Variants in NXT2 observed in about 807,000 individuals in gnomAD.
The protein encoded by NXT2 is NTF2-related export protein 2.
A neutral mutation model predicts 9.6 loss-of-function variants in NXT2; 1 was observed. The observed-to-expected ratio is 0.10, with a 90% CI of 0.04 to 0.49. The LOEUF (loss-of-function observed/expected upper bound fraction) is 0.49. Among genes scored for constraint, NXT2 ranks in the 20% least tolerant of loss-of-function variants. The pLI is 0.95. For synonymous variants in NXT2, 22 were observed against 35.4 expected, an observed-to-expected ratio of 0.62 and a Z score of 1.34; for missense variants, 48 against 100.3, an observed-to-expected ratio of 0.48 and a Z score of 2.23.
Position 109,538,129 on chromosome X carries a change from C to T in NXT2, c.100C>T (p.Arg34Trp), listed in dbSNP as rs1444220387. The change falls in exon 2 of 4, where the codon CGG (arginine) becomes TGG (tryptophan). Residue 34 changes from arginine (R) to tryptophan (W), a missense_variant and splice_region_variant. Arg to Trp is a moderately radical substitution (Grantham distance 101). Coordinates refer to ENST00000372106, the MANE Select transcript of NXT2 (RefSeq NM_001242617.2). ...CTATGAGACAATGGATAAAAGAAGA[C>T]GGGTGAGTGTTATAGACTCTACTAC... ...IYYETMDKRR[R>W]ALTRLYLDKA... 1 of 1,123,292 alleles carries T rather than the reference C, an allele frequency of 8.9e-7. No homozygotes were observed. Among genetic ancestry groups the T allele is most frequent in the Non-Finnish European group, 1.2e-6 (1 of 815,694 alleles). The allele number at this position is 1,123,292 out of a possible 1,213,427, so 92.6% of individuals were successfully genotyped here.
Position 109,541,637 on chromosome X carries a change from C to G in NXT2, c.247+18C>G. The G allele has an allele frequency of 8.6e-7, 1 of 1,162,153 alleles. No homozygotes were observed. The highest frequency in any genetic ancestry group is 1.2e-6 in the Non-Finnish European group (1 of 861,364). ...AGTTCATGGTAAGATCATGATCTTT[C>G]AAGATGCTTCCTTTGTTTTCCTCTA... On this transcript the variant is annotated intron_variant, in intron 3 of 3. Coordinates refer to ENST00000372106, the MANE Select transcript of NXT2 (RefSeq NM_001242617.2).
At chrX:109,536,347 C>A (rs1442291018), upstream of NXT2, among the ~76,000 whole-genome samples, 2 of 112,379 alleles carry the variant, frequency 1.8e-5, no homozygotes, top group African/African-American at 6.5e-5. Context: ...TGTTGGTGTC[C>A]GTGAGACATT....
chrX:109,536,236 C>A (rs1933270694), upstream of NXT2, among the ~76,000 whole-genome samples: 2 of 112,147 alleles, frequency 1.8e-5, no homozygotes, highest in Admixed American at 1.9e-4. Flanking sequence ...TAGAAAAGCA[C>A]CTTACATATA....
In NXT2 at chrX:109,538,764, C is replaced by T. The variant is rs1008865851; in HGVS notation, c.102+633C>T. 1.7e-4 allele frequency among the ~76,000 whole-genome samples: 19 copies of T among 111,373 alleles called. 3 individuals carry two copies. The South Asian group carries it at 1.9e-3, about 11-fold the overall frequency. ...AAGTGAGTCTTGCCTAGGTCTCTTA[C>T]CAGCATAGAACTGTGCTTTGGAGAA... is the stretch of plus-strand genomic sequence containing the variant. On this transcript the variant is annotated intron_variant, in intron 2 of 3. Transcript: ENST00000372106.
At position 109,540,336 on chromosome X, in the gene NXT2, A is replaced by T. The variant is rs199819074; in HGVS notation, c.103-1139A>T. 2.7e-4 allele frequency among the ~76,000 whole-genome samples: 29 copies of T among 107,425 alleles called. No homozygotes were observed. In the East Asian group the frequency reaches 7.5e-3, roughly 28 times the overall value. The allele number at this position is 107,425 out of a possible 115,157, so 93.3% of individuals were successfully genotyped here. ...CCTTTTTTTTTATTTTTATTTATTT[A>T]TTTTTTTTTGAGATGGTGTCTCACT... On this transcript the variant is annotated intron_variant, in intron 2 of 3. Coordinates refer to ENST00000372106, the MANE Select transcript of NXT2 (RefSeq NM_001242617.2).
chrX:109,542,761 A>G lies in NXT2; in HGVS notation c.*73A>G. 1 of 841,745 alleles carries G rather than the reference A, an allele frequency of 1.2e-6. No individual in the cohort carries two copies. Among genetic ancestry groups the G allele is most frequent in the African/African-American group, 2.0e-5 (1 of 49,169 alleles). The allele number at this position is 841,745 out of a possible 1,213,427, so 69.4% of individuals were successfully genotyped here. A position where few individuals can be genotyped will look rare whatever the true frequency, so the allele number is the denominator to read the frequency against. ...AATTTATGTGAATTATTTTGATTGT[A>G]GAAGCACTATAATATGTGCTGAAAC... On this transcript the variant is annotated 3_prime_UTR_variant, in exon 4 of 4. Transcript: ENST00000372106.
At chrX:109,537,489 T>A in intron 1 of NXT2, 1 of 516,130 alleles carries the variant, frequency 1.9e-6, no homozygotes, top group Non-Finnish European at 2.4e-6. Flanking sequence ...CAAACAGCAG[T>A]GAATATTTAC....
upstream of NXT2, chrX:109,535,844 TGAAGA>T (rs1314853376): frequency 1.9e-6 from 2 of 1,041,474 alleles, no homozygotes; most frequent in African/African-American, 3.8e-5. Flanking sequence ...AGTCCTACCT[TGAAGA>T]GAAAAGAGCC....
chrX:109,542,271 A>G (rs1253440653), intron 3 of NXT2, among the ~76,000 whole-genome samples: 3 of 111,515 alleles, frequency 2.7e-5, no homozygotes, highest in Non-Finnish European at 5.7e-5. Context: ...TAAGCTCCTC[A>G]TTTTGAAACT....
intron 1 of NXT2, chrX:109,537,395 T>C: frequency 1.3e-6 from 1 of 782,343 alleles, no homozygotes; most frequent in Non-Finnish European, 1.5e-6. Context: ...CTGGGCCCCG[T>C]ACATGAATGA....
chrX:109,540,454 A>G (rs1382898249), intron 2 of NXT2, among the ~76,000 whole-genome samples: 1 of 110,201 alleles, frequency 9.1e-6, no homozygotes, highest in Non-Finnish European at 1.9e-5. Context: ...CAGCCTCCCA[A>G]GTAGCTGGGA....
At chrX:109,539,619 G>A (rs1357734812) in intron 2 of NXT2, among the ~76,000 whole-genome samples, 2 of 109,540 alleles carry the variant, frequency 1.8e-5, no homozygotes, top group Non-Finnish European at 3.8e-5. Flanking sequence ...CTTCTCTAAT[G>A]ACCAGTGATG....
chrX:109,538,613 A>C (rs1172477805), intron 2 of NXT2, among the ~76,000 whole-genome samples: 1 of 111,023 alleles, frequency 9.0e-6, no homozygotes, highest in African/African-American at 3.3e-5. Flanking sequence ...TATAGCTTAC[A>C]CCCACAAAAA....
At chrX:109,539,029 C>G (rs1156833780) in intron 2 of NXT2, among the ~76,000 whole-genome samples, 1 of 110,664 alleles carries the variant, frequency 9.0e-6, no homozygotes, top group Non-Finnish European at 1.9e-5. Context: ...TCTAGCCCCC[C>G]ACCCCCTGAC....
In NXT2 at chrX:109,542,096, G is replaced by A. The variant is rs757067469; in HGVS notation, c.248-411G>A. ...CAGTTTAATAAAACCTCTAGGTGGGGTCCTAAGTGTCTTAAATTGTAGTTC... is the reference window on the plus strand; with the variant it reads ...CAGTTTAATAAAACCTCTAGGTGGGATCCTAAGTGTCTTAAATTGTAGTTC... On this transcript the variant is annotated intron_variant, in intron 3 of 3. Coordinates refer to ENST00000372106, the MANE Select transcript of NXT2 (RefSeq NM_001242617.2). 1.7e-4 allele frequency among the ~76,000 whole-genome samples: 19 copies of A among 111,487 alleles called. No individual in the cohort carries two copies. In the East Asian group the frequency reaches 5.4e-3, roughly 31 times the overall value.
At chrX:109,540,310 A>G (rs1933387407) in intron 2 of NXT2, among the ~76,000 whole-genome samples, 1 of 110,342 alleles carries the variant, frequency 9.1e-6, no homozygotes, top group Non-Finnish European at 1.9e-5. Flanking sequence ...ATATGTGTTG[A>G]CCTTTTTTTT....
At chrX:109,538,570 A>G (rs1313914573) in intron 2 of NXT2, among the ~76,000 whole-genome samples, 1 of 111,346 alleles carries the variant, frequency 9.0e-6, no homozygotes, top group African/African-American at 3.3e-5. Context: ...TATTTCATAT[A>G]TTTATAGATA....
At position 109,543,081 on chromosome X, in the gene NXT2, A is replaced by C. The variant is rs2147309718; in HGVS notation, c.*393A>C. Reference sequence around the variant, plus strand: ...GTTATTAGGTTAATTTTCTAGTAAAACACGTTGCCTGTTTTCAGTTAACAC... The same window carrying C: ...GTTATTAGGTTAATTTTCTAGTAAACCACGTTGCCTGTTTTCAGTTAACAC... On this transcript the variant is annotated 3_prime_UTR_variant, in exon 4 of 4. Coordinates refer to ENST00000372106, the MANE Select transcript of NXT2 (RefSeq NM_001242617.2). 8.7e-6 allele frequency: 1 copy of C among 114,503 alleles called. No individual in the cohort carries two copies. Among genetic ancestry groups the C allele is most frequent in the South Asian group, 3.6e-4 (1 of 2,751 alleles). 9.4% of individuals were successfully genotyped at this position (114,503 alleles called of 1,213,427 possible). A position where few individuals can be genotyped will look rare whatever the true frequency, so the allele number is the denominator to read the frequency against.
intron 2 of NXT2, among the ~76,000 whole-genome samples, chrX:109,541,069 G>A (rs1441899351): frequency 1.8e-5 from 2 of 111,583 alleles, no homozygotes; most frequent in Admixed American, 9.6e-5. Context: ...GTACAGGTAG[G>A]GCTTGATCAA....
Sources: allele counts gnomAD v4.1 joint callset (sites outside exome capture counted in the v4.1 genomes callset), GRCh38; gene constraint gnomAD v4.1.1; transcripts MANE v1.5; gene names NCBI Gene and HGNC (gene_info 2026-07-23, HGNC 2026-07-21).